LMO1: variants seen among roughly 807,000 people sequenced by gnomAD.
LMO1 encodes rhombotin-1.
In LMO1, 10 loss-of-function variants were observed where a neutral mutation model predicts 18.0. The ratio of observed to expected loss-of-function variants is 0.55; its 90% CI spans 0.34 to 0.94. The LOEUF (loss-of-function observed/expected upper bound fraction) is 0.94. Among genes scored for constraint, LMO1 ranks in the 40% least tolerant of loss-of-function variants. The pLI, the probability that LMO1 is intolerant of heterozygous loss-of-function variation, is 0.02. For synonymous variants in LMO1, 77 were observed against 77.9 expected (o/e 0.99, Z 0.06); for missense variants, 183 against 205.7 (o/e 0.89, Z 0.68).
chr11:8,238,667 T>C lies in LMO1; in HGVS notation c.26-8163A>G, dbSNP rs557907482. ...GCCTGGGCGACAGAGTGAGACTCCA[T>C]CTCAAAAAAAAAAAAAAAAAAAAAA... On this transcript the variant is annotated intron_variant, in intron 1 of 3. Transcript: ENST00000335790. 1.9e-4 allele frequency among the ~76,000 whole-genome samples: 17 copies of C among 88,364 alleles called. No individual in the cohort carries two copies. In the South Asian group the frequency reaches 7.5e-3, roughly 39 times the overall value. 58.0% of individuals were successfully genotyped at this position (88,364 alleles called of 152,430 possible). A position where few individuals can be genotyped will look rare whatever the true frequency, so the allele number is the denominator to read the frequency against.
chr11:8,227,024 C>CCCGGGCCCGCATCACCATCTCGAAGG lies in LMO1; in HGVS notation c.290_315dup (p.Asp106ProfsTer5). 1 of 1,613,866 alleles carries CCCGGGCCCGCATCACCATCTCGAAGG rather than the reference C, an allele frequency of 6.2e-7. No individual in the cohort carries two copies. Among genetic ancestry groups the CCCGGGCCCGCATCACCATCTCGAAGG allele is most frequent in the Non-Finnish European group, 8.5e-7 (1 of 1,179,832 alleles). ...AAGCAGTCGAGGTGATACACGTTGT[C>CCCGGGCCCGCATCACCATCTCGAAGG]CCGGGCCCGCATCACCATCTCGAAG... On this transcript the variant is annotated stop_gained and frameshift_variant, in exon 3 of 4. Transcript: ENST00000335790. LOFTEE classifies it high-confidence loss of function.
upstream of LMO1, among the ~76,000 whole-genome samples, chr11:8,266,171 C>G (rs2134596249): frequency 6.6e-6 from 1 of 152,330 alleles, no homozygotes; most frequent in Admixed American, 6.5e-5. Flanking sequence ...GCACCCCCAG[C>G]TGTGAGCATG....
At chr11:8,224,919 C>T (rs921915489) in intron 3 of LMO1, among the ~76,000 whole-genome samples, 198 bp from the exon 4 acceptor site, 1 of 152,108 alleles carries the variant, frequency 6.6e-6, no homozygotes, top group Non-Finnish European at 1.5e-5. Flanking sequence ...CCAGCCCCAA[C>T]CTTGGCCAGG....
At chr11:8,265,437 C>T (rs1847251261), upstream of LMO1, among the ~76,000 whole-genome samples, 1 of 152,166 alleles carries the variant, frequency 6.6e-6, no homozygotes, top group African/African-American at 2.4e-5. Flanking sequence ...ATATTCCTCT[C>T]TGCTAGGCAG....
chr11:8,260,984 G>A (rs1847177178), intron 1 of LMO1, among the ~76,000 whole-genome samples: 1 of 152,194 alleles, frequency 6.6e-6, no homozygotes, highest in Non-Finnish European at 1.5e-5. Context: ...AGGAGCAGAT[G>A]AGTGCATCCA....
At chr11:8,264,297 G>C (rs1847238053), upstream of LMO1, among the ~76,000 whole-genome samples, 1 of 152,066 alleles carries the variant, frequency 6.6e-6, no homozygotes, top group African/African-American at 2.4e-5. Flanking sequence ...TGACTCCATG[G>C]AGCGGGAGAG....
chr11:8,267,291 T>C (rs1215509581), upstream of LMO1, among the ~76,000 whole-genome samples: 1 of 152,204 alleles, frequency 6.6e-6, no homozygotes, highest in South Asian at 2.1e-4. Flanking sequence ...TACAGGATGT[T>C]CAGTACTAAA....
At chr11:8,260,852 C>A (rs1165957556) in intron 1 of LMO1, among the ~76,000 whole-genome samples, 1 of 152,074 alleles carries the variant, frequency 6.6e-6, no homozygotes, top group African/African-American at 2.4e-5. Flanking sequence ...ACAAAAGGTG[C>A]CGTATGCAGG....
intron 1 of LMO1, among the ~76,000 whole-genome samples, chr11:8,231,992 G>C (rs1952670721): frequency 1.3e-5 from 2 of 152,180 alleles, no homozygotes; most frequent in Non-Finnish European, 2.9e-5. Flanking sequence ...GGGAAATTGA[G>C]GCTCAGACAG....
At chr11:8,227,431 A>G (rs1952568770) in intron 2 of LMO1, among the ~76,000 whole-genome samples, 1 of 152,216 alleles carries the variant, frequency 6.6e-6, no homozygotes, top group South Asian at 2.1e-4. Context: ...GGCCCTGAGC[A>G]AGCCTGAATT....
At chr11:8,264,568 G>C (rs193086423), upstream of LMO1, among the ~76,000 whole-genome samples, 1 of 152,142 alleles carries the variant, frequency 6.6e-6, no homozygotes, top group Non-Finnish European at 1.5e-5. Context: ...TGATGTTCTG[G>C]CTGCCTACCC....
At chr11:8,241,522 A>G (rs1846792712) in intron 1 of LMO1, among the ~76,000 whole-genome samples, 1 of 151,940 alleles carries the variant, frequency 6.6e-6, no homozygotes, top group Non-Finnish European at 1.5e-5. Context: ...CCCCTCCCAC[A>G]CTGTGCTCCA....
At chr11:8,242,884 T>C (rs760126179) in intron 1 of LMO1, among the ~76,000 whole-genome samples, 2 of 152,176 alleles carry the variant, frequency 1.3e-5, no homozygotes, top group Non-Finnish European at 2.9e-5. Flanking sequence ...CACCAGGGGA[T>C]GGGAGATTAG....
intron 1 of LMO1, among the ~76,000 whole-genome samples, chr11:8,234,475 GA>G (rs1565178789): frequency 1.3e-5 from 2 of 152,096 alleles, no homozygotes; most frequent in Non-Finnish European, 2.9e-5. Flanking sequence ...CCAGCACGTG[GA>G]CTTTCCCAAA....
intron 1 of LMO1, among the ~76,000 whole-genome samples, chr11:8,240,815 T>C (rs373351762): frequency 1.3e-5 from 2 of 152,254 alleles, no homozygotes; most frequent in Admixed American, 6.5e-5. Flanking sequence ...ACTCAGATCA[T>C]AGAGAGCTTG....
intron 1 of LMO1, among the ~76,000 whole-genome samples, chr11:8,243,825 A>C (rs2134554915): frequency 6.6e-6 from 1 of 152,316 alleles, no homozygotes; most frequent in African/African-American, 2.4e-5. Flanking sequence ...GAGCCCACAG[A>C]GGATGTTCCT....
chr11:8,255,681 C>T (rs1288426881), intron 1 of LMO1, among the ~76,000 whole-genome samples: 1 of 152,220 alleles, frequency 6.6e-6, no homozygotes, highest in Non-Finnish European at 1.5e-5. Flanking sequence ...AAAAACTGCT[C>T]AGCCAAGCCC....
chr11:8,234,013 C>T (rs1194463486), intron 1 of LMO1, among the ~76,000 whole-genome samples: 8 of 152,190 alleles, frequency 5.3e-5, no homozygotes, highest in South Asian at 2.1e-4. Context: ...ATGATGTTTG[C>T]GCCGACACGC....
At chr11:8,253,457 C>T (rs4256972) in intron 1 of LMO1, among the ~76,000 whole-genome samples, 56,499 of 152,056 alleles carry the variant, frequency 0.37, 12,391 homozygotes, top group Middle Eastern at 0.55. Context: ...TTAGAATTTA[C>T]TCATCAGAAT....
Sources: allele counts gnomAD v4.1 joint callset (sites outside exome capture counted in the v4.1 genomes callset), GRCh38; gene constraint gnomAD v4.1.1; transcripts MANE v1.5; gene names NCBI Gene and HGNC (gene_info 2026-07-23, HGNC 2026-07-21).